The following UBIAD1 variants were observed in gnomAD, a reference collection of about 807,000 sequenced individuals.
The protein encoded by UBIAD1 is UbiA prenyltransferase domain containing 1, also known as ubiA prenyltransferase domain-containing protein 1.
In UBIAD1, 12 loss-of-function variants were observed where a neutral mutation model predicts 20.1. The ratio of observed to expected loss-of-function variants is 0.60; its 90% CI spans 0.38 to 0.97. The LOEUF (loss-of-function observed/expected upper bound fraction) is 0.97, where lower values mean the gene tolerates loss of function less well. Among genes scored for constraint, UBIAD1 ranks in the 50% least tolerant of loss-of-function variants. UBIAD1 has a pLI of 0.00. For missense variants in UBIAD1, 333 were observed against 419.5 expected (o/e 0.79, Z 1.80); for synonymous variants, 207 against 189.2 (o/e 1.09, Z -0.77).
intron 1 of UBIAD1, among the ~76,000 whole-genome samples, chr1:11,277,800 A>G: frequency 6.6e-6 from 1 of 151,866 alleles, no homozygotes; most frequent in East Asian, 2.0e-4. Context: ...ATGGGCCACC[A>G]CGCCCTGCTA....
Position 11,273,545 on chromosome 1 carries a change from A to G in UBIAD1, c.14A>G (p.Gln5Arg). Residue 5 changes from glutamine to arginine, a missense_variant, in exon 1 of 2, where the codon CAG becomes CGG. By Grantham distance (43) the Gln-to-Arg change is conservative. Around this residue, in one of 3 missense-constraint regions of UBIAD1, gnomAD observed 57 missense variants for 54.7 expected, o/e 1.04. Transcript: ENST00000376810. This position sits in a 1 kb window ranked among gnomAD's most constrained non-coding sequence, Gnocchi z 4.9. Reference protein sequence around the residue: MAASQVLGEKINILS... With the variant: MAASRVLGEKINILS... ...CGTGGAGCTTCCATGGCGGCCTCTC[A>G]GGTCCTGGGGGAGAAGATTAACATC... 6.2e-7 allele frequency: 1 copy of G among 1,612,530 alleles called. No individual in the cohort carries two copies. Among genetic ancestry groups the G allele is most frequent in the Non-Finnish European group, 8.5e-7 (1 of 1,180,026 alleles).
intron 1 of UBIAD1, among the ~76,000 whole-genome samples, chr1:11,277,035 G>A (rs1301018874): frequency 1.3e-5 from 2 of 151,748 alleles, no homozygotes; most frequent in Non-Finnish European, 1.5e-5. Flanking sequence ...TCAGGAGTTC[G>A]AGACCAGCCT....
intron 1 of UBIAD1, among the ~76,000 whole-genome samples, chr1:11,276,822 C>T (rs1652049271): frequency 2.0e-5 from 3 of 150,356 alleles, no homozygotes; most frequent in Admixed American, 2.0e-4. Context: ...CACACATGAA[C>T]AGCTTTTAAC....
At chr1:11,279,822 G>T (rs1020505701) in intron 1 of UBIAD1, among the ~76,000 whole-genome samples, 38 of 152,296 alleles carry the variant, frequency 2.5e-4, no homozygotes, top group African/African-American at 8.4e-4. Context: ...GGAGTCATTG[G>T]TCTATAGATA....
At position 11,273,423 on chromosome 1, in the gene UBIAD1, G is replaced by A; in HGVS notation, c.-109G>A. On this transcript the variant is annotated 5_prime_UTR_variant, in exon 1 of 2. Transcript: ENST00000376810. The surrounding 1 kb of genome is among the most constrained non-coding windows in gnomAD (Gnocchi z 4.9). ...GCCACACCAGCCCTGTCCTGGGGCG[G>A]AACCGAAGGAAGGTCGGGCCCTGCT... 3 of 1,418,104 alleles carry A rather than the reference G, an allele frequency of 2.1e-6. No homozygotes were observed. Among genetic ancestry groups the A allele is most frequent in the Non-Finnish European group, 2.0e-6 (2 of 1,025,190 alleles). The allele number at this position is 1,418,104 out of a possible 1,614,324, so 87.8% of individuals were successfully genotyped here. A position where few individuals can be genotyped will look rare whatever the true frequency, so the allele number is the denominator to read the frequency against.
intron 1 of UBIAD1, among the ~76,000 whole-genome samples, chr1:11,275,208 A>G (rs1569888981): frequency 6.7e-6 from 1 of 148,398 alleles, no homozygotes. Context: ...AAGTAAAAAT[A>G]GAAAATTATA....
At chr1:11,296,527 C>T (rs151317249), downstream of UBIAD1, among the ~76,000 whole-genome samples, 13 of 152,026 alleles carry the variant, frequency 8.6e-5, no homozygotes, top group African/African-American at 2.2e-4. Context: ...CCTGTCCCCC[C>T]CTTTGTTTTG....
In UBIAD1 at chr1:11,273,648, G is replaced by A; in HGVS notation, c.117G>A (p.Gln39=). The change falls in exon 1 of 2, where the codon CAG becomes CAA. Residue 39 remains glutamine, a synonymous_variant. Transcript: ENST00000376810. This position sits in a 1 kb window ranked among gnomAD's most constrained non-coding sequence, Gnocchi z 4.9. The part of the protein sequence containing the change: ...NDCPEQDRLP[Q]RSWRQKCASY... ...GTCCCGAGCAAGATAGGCTCCCCCAGCGCTCCTGGAGGCAGAAGTGTGCCT... is the reference window on the plus strand; with the variant it reads ...GTCCCGAGCAAGATAGGCTCCCCCAACGCTCCTGGAGGCAGAAGTGTGCCT... 3 of 1,614,158 alleles carry A rather than the reference G, an allele frequency of 1.9e-6. No individual in the cohort carries two copies. The highest frequency in any genetic ancestry group is 1.7e-6 in the Non-Finnish European group (2 of 1,180,046).
chr1:11,289,596 A>G (rs1638331988), downstream of UBIAD1, among the ~76,000 whole-genome samples: 1 of 152,076 alleles, frequency 6.6e-6, no homozygotes, highest in African/African-American at 2.4e-5. Flanking sequence ...ACTATGTCTC[A>G]GTGTCGCCTG....
Position 11,286,337 on chromosome 1 carries a change from C to A in UBIAD1, c.*206C>A. The A allele has an allele frequency of 1.5e-6, 1 of 667,678 alleles. No homozygotes were observed. The highest frequency in any genetic ancestry group is 2.5e-6 in the Non-Finnish European group (1 of 402,140). The allele number at this position is 667,678 out of a possible 1,614,324, so 41.4% of individuals were successfully genotyped here. A position where few individuals can be genotyped will look rare whatever the true frequency, so the allele number is the denominator to read the frequency against. On this transcript the variant is annotated 3_prime_UTR_variant, in exon 2 of 2. Transcript: ENST00000376810. ...TTCCATTTTATGGGGAATTTAAAAACCATTCTTGTATCAGAAGGTGAATTA... is the reference window on the plus strand; with the variant it reads ...TTCCATTTTATGGGGAATTTAAAAAACATTCTTGTATCAGAAGGTGAATTA...
In UBIAD1 at chr1:11,287,035, T is replaced by C. The variant is rs3765906; in HGVS notation, c.*904T>C. The C allele has an allele frequency of 0.16, 25,094 of 152,220 alleles. 4,105 individuals carry two copies. The highest frequency in any genetic ancestry group is 0.42 in the African/African-American group (17,247 of 41,420). 9.4% of individuals were successfully genotyped at this position (152,220 alleles called of 1,614,324 possible). On this transcript the variant is annotated 3_prime_UTR_variant, in exon 2 of 2. Coordinates refer to ENST00000376810, the MANE Select transcript of UBIAD1 (RefSeq NM_013319.3). ...TGCATCTTCTGATGCTCCCCACACCTACCCTCCACCTCTCCACCTCTGTGG... is the reference window on the plus strand; with the variant it reads ...TGCATCTTCTGATGCTCCCCACACCCACCCTCCACCTCTCCACCTCTGTGG...
chr1:11,290,579 C>T (rs1337880222), downstream of UBIAD1, among the ~76,000 whole-genome samples: 1 of 152,204 alleles, frequency 6.6e-6, no homozygotes, highest in African/African-American at 2.4e-5. Context: ...TGTGCTGAAT[C>T]CCACTCAGGG....
downstream of UBIAD1, among the ~76,000 whole-genome samples, chr1:11,298,695 T>C (rs1638486478): frequency 1.3e-5 from 2 of 152,220 alleles, no homozygotes; most frequent in Non-Finnish European, 2.9e-5. The surrounding 1 kb of genome is among the most constrained non-coding windows in gnomAD (Gnocchi z 4.0). Context: ...GTGCAGTTAT[T>C]ATCCTGGGTA....
Position 11,285,934 on chromosome 1 carries a change from A to G in UBIAD1, c.820A>G (p.Ile274Val). 5 of 1,614,188 alleles carry G rather than the reference A, an allele frequency of 3.1e-6. No individual in the cohort carries two copies. The highest frequency in any genetic ancestry group is 4.2e-6 in the Non-Finnish European group (5 of 1,180,032). The change falls in exon 2 of 2, where the codon ATC becomes GTC. Residue 274 changes from isoleucine to valine, a missense_variant. By Grantham distance (29) the Ile-to-Val change is conservative. This residue lies in a region of UBIAD1 where 226 missense variants were observed against 263.5 expected (regional missense o/e 0.86). Transcript: ENST00000376810. This position sits in a 1 kb window ranked among gnomAD's most constrained non-coding sequence, Gnocchi z 4.4. The part of the protein sequence containing the change: ...LLFLPYLVFS[I>V]LATHCTISLA... ...CTTCCTGCCCTACCTGGTCTTCAGCATCCTGGCCACACACTGCACCATCAG... is the reference window on the plus strand; with the variant it reads ...CTTCCTGCCCTACCTGGTCTTCAGCGTCCTGGCCACACACTGCACCATCAG...
chr1:11,282,558 CTT>C (rs34509238), intron 1 of UBIAD1, among the ~76,000 whole-genome samples: 3,288 of 128,066 alleles, frequency 0.026, 121 homozygotes, highest in African/African-American at 0.093. Context: ...GCTTACATCA[CTT>C]TTTTTTTTTT....
At chr1:11,297,863 C>T (rs959814626), downstream of UBIAD1, among the ~76,000 whole-genome samples, 8 of 152,224 alleles carry the variant, frequency 5.3e-5, no homozygotes, top group African/African-American at 1.9e-4. Flanking sequence ...CCTTGGGCTG[C>T]AGTCCAGGTT....
downstream of UBIAD1, among the ~76,000 whole-genome samples, chr1:11,296,472 A>C (rs531784483): frequency 6.6e-6 from 1 of 152,290 alleles, no homozygotes; most frequent in African/African-American, 2.4e-5. Context: ...CAGAGTACTT[A>C]GCATGTGCCT....
Position 11,286,225 on chromosome 1 carries a change from G to C in UBIAD1, c.*94G>C, listed in dbSNP as rs535726476. 2.6e-6 allele frequency: 4 copies of C among 1,555,380 alleles called. No individual in the cohort carries two copies. Among genetic ancestry groups the C allele is most frequent in the Non-Finnish European group, 3.5e-6 (4 of 1,134,260 alleles). On this transcript the variant is annotated 3_prime_UTR_variant, in exon 2 of 2. Transcript: ENST00000376810. ...GAAGGAATGTGATTTGGCAGTCAGG[G>C]TACTAAGCATGGGTGGGAACTCCTG... is the stretch of plus-strand genomic sequence containing the variant.
chr1:11,277,293 CTT>C (rs56363441), intron 1 of UBIAD1, among the ~76,000 whole-genome samples: 9 of 142,844 alleles, frequency 6.3e-5, no homozygotes, highest in Admixed American at 2.1e-4. Context: ...GTACCTGCTA[CTT>C]TTTTTTTTTT....
Sources: gnomAD v4.1 joint callset for allele counts (sites outside exome capture counted in the v4.1 genomes callset) on GRCh38, gnomAD v4.1.1 for gene constraint, gnomAD v4.1.1 regional missense constraint, Gnocchi (gnomAD v3.1) non-coding constraint, MANE v1.5 for transcripts, NCBI Gene and HGNC (gene_info 2026-07-23, HGNC 2026-07-21) for gene names.